The following ITIH5 variants were observed in gnomAD, a reference collection of about 807,000 sequenced individuals.
The protein encoded by ITIH5 is inter-alpha-trypsin inhibitor heavy chain H5.
ITIH5 carries 65 observed loss-of-function variants against 77.5 expected under a neutral mutation model. The observed-to-expected ratio is 0.84, with a 90% CI of 0.69 to 1.03. The LOEUF is 1.03. ITIH5 is among the 50% of genes least tolerant of loss of function. The probability of loss-of-function intolerance (pLI) is 0.00; values close to 1 mark genes in which losing one functional copy is unlikely to be tolerated. For missense variants in ITIH5, 1,208 were observed against 1,213.1 expected (o/e 1.00, Z 0.06); for synonymous variants, 525 against 494.3 (o/e 1.06, Z -0.82).
intron 2 of ITIH5, among the ~76,000 whole-genome samples, chr10:7,645,855 T>C (rs192316192): frequency 6.6e-6 from 1 of 152,272 alleles, no homozygotes; most frequent in Admixed American, 6.5e-5. Flanking sequence ...GTAAAGGCAA[T>C]GAGGATTAGG....
chr10:7,574,425 T>A lies in ITIH5; in HGVS notation c.1979-1230A>T, dbSNP rs1444152842. On this transcript the variant is annotated intron_variant, in intron 10 of 13. Coordinates refer to ENST00000397146, the MANE Select transcript of ITIH5 (RefSeq NM_030569.7). ...GAGGAGTGGCAGCTGCCACCAACTC[T>A]CAAAAAAATTAAAATTTAAATTTAA... is the stretch of plus-strand genomic sequence containing the variant. 2.0e-5 allele frequency among the ~76,000 whole-genome samples: 3 copies of A among 151,780 alleles called. No individual in the cohort carries two copies. The East Asian group carries it at 5.8e-4, about 29-fold the overall frequency.
rs377411908 is a variant in ITIH5, at chr10:7,576,708, G to A, written c.1723C>T (p.Arg575Cys). The A allele has an allele frequency of 4.3e-6, 7 of 1,614,014 alleles. No homozygotes were observed. Among genetic ancestry groups the A allele is most frequent in the South Asian group, 1.1e-5 (1 of 91,074 alleles). Residue 575 changes from arginine to cysteine, a missense_variant, in exon 10 of 14, where the codon CGT (arginine) becomes TGT (cysteine). By Grantham distance (180) the Arg-to-Cys change is radical. Coordinates refer to ENST00000397146, the MANE Select transcript of ITIH5 (RefSeq NM_030569.7). ...DGEGDTNHIE[R>C]LWSYLTTKEL... Reference sequence around the variant, plus strand: ...TTTGTGGTGAGGTAGCTCCAGAGACGCTCGATGTGGTTGGTGTCCCCCTCT... The same window carrying A: ...TTTGTGGTGAGGTAGCTCCAGAGACACTCGATGTGGTTGGTGTCCCCCTCT...
At chr10:7,565,354 T>C (rs1308774043) in intron 13 of ITIH5, among the ~76,000 whole-genome samples, 2 of 150,028 alleles carry the variant, frequency 1.3e-5, no homozygotes, top group Non-Finnish European at 3.0e-5. Context: ...TATACATATA[T>C]ATATACATAC....
chr10:7,662,578 C>A (rs1834294382), intron 1 of ITIH5, among the ~76,000 whole-genome samples: 1 of 152,188 alleles, frequency 6.6e-6, no homozygotes, highest in Non-Finnish European at 1.5e-5. Context: ...ACATGATAAG[C>A]AAGATCGCCT....
At chr10:7,586,874 AG>A (rs1273175871) in intron 7 of ITIH5, among the ~76,000 whole-genome samples, 2 of 151,940 alleles carry the variant, frequency 1.3e-5, no homozygotes, top group East Asian at 3.9e-4. Flanking sequence ...TCTGTCACCC[AG>A]GCTGGAATGC....
rs11255207 is a variant in ITIH5, at chr10:7,586,149, C to G, written c.940-80G>C. ...CCCCTGTTCTAGAAACCGCCCCCGC[C>G]CCCCAGGAAAAATGTCAGGGTTCAA... On this transcript the variant is annotated intron_variant, in intron 7 of 13. Coordinates refer to ENST00000397146, the MANE Select transcript of ITIH5 (RefSeq NM_030569.7). 3,899 of 1,272,410 alleles carry G rather than the reference C, an allele frequency of 3.1e-3. 107 individuals carry two copies. The African/African-American group carries it at 0.054, about 18-fold the overall frequency. 78.8% of individuals were successfully genotyped at this position (1,272,410 alleles called of 1,614,324 possible).
rs192608669 is a variant in ITIH5 at position 7,602,945 on chromosome 10, C to T, written c.939+13037G>A. Among the ~76,000 whole-genome samples, 356 of 152,280 alleles carry T rather than the reference C, an allele frequency of 2.3e-3. 1 individual carries two copies. Among genetic ancestry groups the T allele is most frequent in the African/African-American group, 8.4e-3 (347 of 41,546 alleles). The stretch of plus-strand genomic sequence containing the variant: ...ATGCTCTCATTCCATGCAGGCTCCC[C>T]GTGTCTCATAGCTTCCGTGTCCTAT... On this transcript the variant is annotated intron_variant, in intron 7 of 13. Coordinates refer to ENST00000397146, the MANE Select transcript of ITIH5 (RefSeq NM_030569.7).
chr10:7,559,645 G>A lies in ITIH5; in HGVS notation c.*3438C>T. On this transcript the variant is annotated 3_prime_UTR_variant, in exon 14 of 14. Transcript: ENST00000397146. ...TTTGGTGTCTTAGTCAGCTTGGGCT[G>A]CCTTAACAAGAATACCACAGACTTG... is the stretch of plus-strand genomic sequence containing the variant. 1 of 310,916 alleles carries A rather than the reference G, an allele frequency of 3.2e-6. No homozygotes were observed. The allele number at this position is 310,916 out of a possible 1,614,324, so 19.3% of individuals were successfully genotyped here.
intron 12 of ITIH5, among the ~76,000 whole-genome samples, chr10:7,567,319 T>TTTTTTATTATTATTA (rs71515477): frequency 7.2e-6 from 1 of 139,498 alleles, no homozygotes; most frequent in Non-Finnish European, 1.5e-5. Flanking sequence ...TCGGACATCT[T>TTTTTTATTATTATTA]TTATTATTAT....
At chr10:7,645,418 A>G (rs1272848061) in intron 2 of ITIH5, among the ~76,000 whole-genome samples, 1 of 152,178 alleles carries the variant, frequency 6.6e-6, no homozygotes, top group Non-Finnish European at 1.5e-5. Flanking sequence ...CTCAGACTCC[A>G]TCCAAATCCA....
At chr10:7,617,309 ATAACT>A (rs150273439) in intron 5 of ITIH5, 27 bp from the exon 6 acceptor site, 150,472 of 1,359,970 alleles carry the variant, frequency 0.11, 9,392 homozygotes, top group East Asian at 0.27. Context: ...AACATAATTA[ATAACT>A]TAATATATAT....
At chr10:7,571,931 T>C (rs1325636093) in intron 11 of ITIH5, 1 of 984,884 alleles carries the variant, frequency 1.0e-6, no homozygotes, top group African/African-American at 1.7e-5. Flanking sequence ...AGAGGACAAC[T>C]GTCTAGCTCA....
intron 5 of ITIH5, among the ~76,000 whole-genome samples, chr10:7,634,088 C>CAAAAA (rs752092484): frequency 0.016 from 954 of 59,742 alleles, 22 homozygotes; most frequent in Non-Finnish European, 0.02. Flanking sequence ...GACTCCGTCT[C>CAAAAA]AAAAAAAAAA....
chr10:7,591,575 C>T (rs1232163964), intron 7 of ITIH5, among the ~76,000 whole-genome samples: 1 of 152,208 alleles, frequency 6.6e-6, no homozygotes, highest in Non-Finnish European at 1.5e-5. Flanking sequence ...AGCTCTTTCC[C>T]TCCCCAAGAC....
At position 7,566,307 on chromosome 10, in the gene ITIH5, C is replaced by T. The variant is rs764545951; in HGVS notation, c.2250G>A (p.Lys750=). The change falls in exon 13 of 14, where the codon AAG becomes AAA. Residue 750 remains lysine, a synonymous_variant. Transcript: ENST00000397146. ...TGATCTCGAGATAAGATCTCTCTGG[C>T]TTGTTGATGAGGATGGTGATAGTGC... ...YLRTITILIN[K]PERSYLEITP... is the part of the protein sequence containing the mutation. 1.3e-4 allele frequency: 214 copies of T among 1,613,692 alleles called. No homozygotes were observed. The highest frequency in any genetic ancestry group is 1.7e-4 in the Non-Finnish European group (206 of 1,179,928).
chr10:7,644,340 C>CATATATCACATATATATCAT lies in ITIH5; in HGVS notation c.136-2270_136-2251dup, dbSNP rs1564277108. ...TATCATACATATCACATATATATCA[C>CATATATCACATATATATCAT]ATATATCACATATATATCATATATA... On this transcript the variant is annotated intron_variant, in intron 2 of 13. Transcript: ENST00000397146. 6.2e-5 allele frequency among the ~76,000 whole-genome samples: 9 copies of CATATATCACATATATATCAT among 144,688 alleles called. No individual in the cohort carries two copies. The East Asian group carries it at 1.6e-3, about 26-fold the overall frequency. The allele number at this position is 144,688 out of a possible 152,430, so 94.9% of individuals were successfully genotyped here.
chr10:7,613,779 C>T (rs1158415755), intron 7 of ITIH5, among the ~76,000 whole-genome samples: 1 of 152,136 alleles, frequency 6.6e-6, no homozygotes, highest in African/African-American at 2.4e-5. Flanking sequence ...CCTGAGAGGC[C>T]GCACATCCCC....
intron 12 of ITIH5, among the ~76,000 whole-genome samples, chr10:7,567,506 A>G (rs1832213666): frequency 7.0e-6 from 1 of 142,262 alleles, no homozygotes; most frequent in Non-Finnish European, 1.5e-5. Flanking sequence ...ACCCCACGAC[A>G]GGCCCTGGTA....
At chr10:7,607,722 G>C (rs1179764270) in intron 7 of ITIH5, among the ~76,000 whole-genome samples, 1 of 152,230 alleles carries the variant, frequency 6.6e-6, no homozygotes, top group Non-Finnish European at 1.5e-5. Flanking sequence ...GCTGAGGCAG[G>C]AGAATTGCTT....
Sources: gnomAD v4.1 joint callset for allele counts (sites outside exome capture counted in the v4.1 genomes callset) on GRCh38, gnomAD v4.1.1 for gene constraint, MANE v1.5 for transcripts, NCBI Gene and HGNC (gene_info 2026-07-23, HGNC 2026-07-21) for gene names.